Variants in SLC17A3 observed in about 807,000 individuals in gnomAD.
SLC17A3 encodes solute carrier family 17 member 3, also known as sodium-dependent phosphate transport protein 4.
In SLC17A3, 61 loss-of-function variants were observed where a neutral mutation model predicts 60.3. The observed-to-expected ratio is 1.01, with a 90% CI of 0.82 to 1.25. The LOEUF (loss-of-function observed/expected upper bound fraction) is 1.25. Among genes scored for constraint, SLC17A3 ranks in the 50% most tolerant of loss-of-function variants. The pLI is 0.00. For missense variants in SLC17A3, 624 were observed against 594.9 expected (o/e 1.05, Z -0.51); for synonymous variants, 192 against 208.9 (o/e 0.92, Z 0.70).
chr6:25,854,280 A>G (rs1387382021), intron 6 of SLC17A3, among the ~76,000 whole-genome samples: 3 of 151,892 alleles, frequency 2.0e-5, no homozygotes, highest in African/African-American at 7.3e-5. Context: ...ATTTCTCCTT[A>G]CTCTTCTATC....
intron 1 of SLC17A3, among the ~76,000 whole-genome samples, chr6:25,873,655 T>C (rs651578): frequency 0.28 from 41,974 of 151,944 alleles, 6,578 homozygotes; most frequent in African/African-American, 0.43. Context: ...ACCAACTCAC[T>C]GGATCTTGAT....
intron 6 of SLC17A3, among the ~76,000 whole-genome samples, chr6:25,853,406 G>GT (rs70977233): frequency 0.091 from 5,385 of 58,886 alleles, 1,401 homozygotes; most frequent in Non-Finnish European, 0.13. Context: ...ATTTCTGCAT[G>GT]TTTTTTTTTT....
At chr6:25,861,262 C>T (rs1454244951) in intron 5 of SLC17A3, among the ~76,000 whole-genome samples, 1 of 151,842 alleles carries the variant, frequency 6.6e-6, no homozygotes, top group Non-Finnish European at 1.5e-5. Context: ...TCCCAAATGT[C>T]AGGAATTAAT....
intron 3 of SLC17A3, 59 bp from the exon 4 acceptor site, chr6:25,862,088 A>G: frequency 1.4e-6 from 2 of 1,451,274 alleles, no homozygotes; most frequent in Non-Finnish European, 1.9e-6. Context: ...TACATACCCT[A>G]GAAAGCTCCT....
intron 2 of SLC17A3, among the ~76,000 whole-genome samples, chr6:25,863,632 T>A (rs560078667): frequency 6.6e-6 from 1 of 152,036 alleles, no homozygotes; most frequent in African/African-American, 2.4e-5. Context: ...GTAAATAAAT[T>A]GAGCATGTGT....
rs75350761 is a variant in SLC17A3 at position 25,860,729 on chromosome 6, A to G, written c.625+895T>C. Among the ~76,000 whole-genome samples the G allele has an allele frequency of 3.6e-3, 545 of 152,280 alleles. 6 individuals carry two copies. Among genetic ancestry groups the G allele is most frequent in the African/African-American group, 0.012 (506 of 41,556 alleles). ...GACCTATTCTGGTTGTTCAGTCTCTATATACTCAGAAAGGGAGTTGCTACT... is the reference window on the plus strand; with the variant it reads ...GACCTATTCTGGTTGTTCAGTCTCTGTATACTCAGAAAGGGAGTTGCTACT... On this transcript the variant is annotated intron_variant, in intron 5 of 12. Transcript: ENST00000397060.
chr6:25,851,052 G>C (rs1765268305), intron 6 of SLC17A3, among the ~76,000 whole-genome samples, 175 bp from the exon 7 acceptor site: 1 of 152,086 alleles, frequency 6.6e-6, no homozygotes, highest in Non-Finnish European at 1.5e-5. Flanking sequence ...TTGTGTGTGT[G>C]GAAATTACAG....
intron 10 of SLC17A3, 144 bp downstream of exon 10, chr6:25,849,661 A>AAG (rs2151519046): frequency 1.1e-6 from 1 of 925,074 alleles, no homozygotes; most frequent in Non-Finnish European, 1.7e-6. Context: ...CCCTTCCTCA[A>AAG]CATACCTGAA....
At chr6:25,860,262 C>T (rs940481476) in intron 5 of SLC17A3, among the ~76,000 whole-genome samples, 1 of 151,926 alleles carries the variant, frequency 6.6e-6, no homozygotes. Flanking sequence ...GCAAAGTTTC[C>T]TATCTACAAT....
intron 11 of SLC17A3, among the ~76,000 whole-genome samples, chr6:25,846,591 G>A (rs1046508508): frequency 7.2e-5 from 11 of 152,126 alleles, no homozygotes; most frequent in African/African-American, 2.2e-4. Flanking sequence ...GAACCATCTG[G>A]GTGATGGAAA....
At chr6:25,849,500 A>G (rs1765234293) in intron 10 of SLC17A3, 36 bp from the exon 11 acceptor site, 4 of 1,341,466 alleles carry the variant, frequency 3.0e-6, no homozygotes. Flanking sequence ...CTAGATCCAG[A>G]GATGTTTGAC....
chr6:25,845,184 A>T lies in SLC17A3; in HGVS notation c.*117T>A, dbSNP rs1459123770. 3.6e-6 allele frequency: 2 copies of T among 552,194 alleles called. No homozygotes were observed. The highest frequency in any genetic ancestry group is 6.3e-6 in the Non-Finnish European group (2 of 318,610). The allele number at this position is 552,194 out of a possible 1,614,324, so 34.2% of individuals were successfully genotyped here. A position where few individuals can be genotyped will look rare whatever the true frequency, so the allele number is the denominator to read the frequency against. Reference sequence around the variant, plus strand: ...CTGAATAAAATAATGAACTGATCTCATAATTGAAAAGAGCCACAGGAAAAA... The same window carrying T: ...CTGAATAAAATAATGAACTGATCTCTTAATTGAAAAGAGCCACAGGAAAAA... On this transcript the variant is annotated 3_prime_UTR_variant, in exon 13 of 13. Transcript: ENST00000397060.
chr6:25,845,278 T>C lies in SLC17A3; in HGVS notation c.*23A>G. 7.0e-7 allele frequency: 1 copy of C among 1,422,648 alleles called. No homozygotes were observed. Among genetic ancestry groups the C allele is most frequent in the Non-Finnish European group, 9.9e-7 (1 of 1,013,214 alleles). The allele number at this position is 1,422,648 out of a possible 1,614,324, so 88.1% of individuals were successfully genotyped here. ...TTATGCAATACGGTGCCTAATGACT[T>C]TTCCATCCAAGGTGGGATAACTAAG... On this transcript the variant is annotated 3_prime_UTR_variant, in exon 13 of 13. Transcript: ENST00000397060.
intron 11 of SLC17A3, among the ~76,000 whole-genome samples, chr6:25,848,487 C>T (rs1286890862): frequency 6.6e-6 from 1 of 152,180 alleles, no homozygotes; most frequent in Admixed American, 6.5e-5. Flanking sequence ...GTTTTTTGGA[C>T]ATTTAGTAGG....
At chr6:25,852,955 A>G (rs1429341955) in intron 6 of SLC17A3, among the ~76,000 whole-genome samples, 5 of 152,162 alleles carry the variant, frequency 3.3e-5, no homozygotes, top group Non-Finnish European at 7.3e-5. Context: ...GTTTTGGGAT[A>G]TGATTAAATT....
intron 3 of SLC17A3, 24 bp from the exon 4 acceptor site, chr6:25,862,053 A>G (rs752179432): frequency 2.1e-5 from 32 of 1,554,046 alleles, no homozygotes; most frequent in Non-Finnish European, 2.7e-5. Flanking sequence ...AGAATGCTGT[A>G]GTAAACCTTA....
At position 25,861,861 on chromosome 6, in the gene SLC17A3, G is replaced by A. The variant is rs1292146380; in HGVS notation, c.472C>T (p.Pro158Ser). ...ACTATTCCAAAGTCAGTGGCCAGAG[G>A]GATGCATAGAGTGAGAAATGAAGTT... ...FATSFLTLCI[P>S]LATDFGIVLL... is the part of the protein sequence containing the mutation. The change falls in exon 4 of 13, where the codon CCT becomes TCT. Residue 158 changes from proline to serine, a missense_variant. Transcript: ENST00000397060. The A allele has an allele frequency of 1.9e-6, 3 of 1,613,380 alleles. No homozygotes were observed. In the African/African-American group the frequency reaches 4.0e-5, roughly 22 times the overall value.
intron 11 of SLC17A3, among the ~76,000 whole-genome samples, chr6:25,848,683 G>A (rs62394289): frequency 0.088 from 13,415 of 152,120 alleles, 772 homozygotes; most frequent in Non-Finnish European, 0.12. Flanking sequence ...TCTAGACACC[G>A]GCTTAGGCAA....
intron 5 of SLC17A3, 91 bp from the exon 6 acceptor site, chr6:25,855,321 G>A: frequency 4.7e-6 from 4 of 858,852 alleles, no homozygotes; most frequent in South Asian, 1.4e-5. Context: ...TAGAGCAGTA[G>A]CTTTAAACCA....
Sources: gnomAD v4.1 joint callset for allele counts (sites outside exome capture counted in the v4.1 genomes callset) on GRCh38, gnomAD v4.1.1 for gene constraint, MANE v1.5 for transcripts, NCBI Gene and HGNC (gene_info 2026-07-23, HGNC 2026-07-21) for gene names.